Variants in ZNF804A observed in about 807,000 individuals in gnomAD.
ZNF804A encodes the protein zinc finger protein 804A.
ZNF804A carries 2 observed loss-of-function variants against 16.5 expected under a neutral mutation model. The observed-to-expected ratio is 0.12, with a 90% CI of 0.05 to 0.38. ZNF804A has a LOEUF of 0.38. ZNF804A is among the 10% of genes least tolerant of loss of function. The pLI is 0.99. For missense variants in ZNF804A, 1,473 were observed against 1,390.7 expected, an observed-to-expected ratio of 1.06 and a Z score of -0.94; for synonymous variants, 534 against 489.6, an observed-to-expected ratio of 1.09 and a Z score of -1.20.
intron 1 of ZNF804A, among the ~76,000 whole-genome samples, chr2:184,830,110 C>CCA (rs151005970): frequency 0.016 from 2,317 of 141,562 alleles, 55 homozygotes; most frequent in East Asian, 0.11. Context: ...ACACACCCAC[C>CCA]CACACACACA....
intron 1 of ZNF804A, among the ~76,000 whole-genome samples, chr2:184,634,958 A>AT (rs869227575): frequency 6.7e-6 from 1 of 149,078 alleles, no homozygotes; most frequent in Admixed American, 6.7e-5. Context: ...CTAATTTTGT[A>AT]TTTTTTTAAA....
At chr2:184,765,172 G>C (rs1395457783) in intron 1 of ZNF804A, among the ~76,000 whole-genome samples, 1 of 152,128 alleles carries the variant, frequency 6.6e-6, no homozygotes, top group Non-Finnish European at 1.5e-5. Flanking sequence ...GTTTTGTAGA[G>C]AGCCATGTAA....
chr2:184,908,531 A>T (rs1039467795), intron 2 of ZNF804A, among the ~76,000 whole-genome samples: 1 of 152,138 alleles, frequency 6.6e-6, no homozygotes, highest in African/African-American at 2.4e-5. Flanking sequence ...GGAAATGAAC[A>T]TTTAAGGGGA....
At chr2:184,915,862 A>T (rs1406911127) in intron 2 of ZNF804A, among the ~76,000 whole-genome samples, 1 of 152,178 alleles carries the variant, frequency 6.6e-6, no homozygotes, top group Non-Finnish European at 1.5e-5. Flanking sequence ...AGTAATGGGA[A>T]AGGAAATTTT....
At chr2:184,842,234 T>A (rs1430298337) in intron 1 of ZNF804A, among the ~76,000 whole-genome samples, 1 of 152,152 alleles carries the variant, frequency 6.6e-6, no homozygotes, top group African/African-American at 2.4e-5. Flanking sequence ...CACTCCCATT[T>A]GGAGTTCAAG....
chr2:184,851,919 A>ATT (rs1196798113), intron 1 of ZNF804A, among the ~76,000 whole-genome samples: 2 of 151,684 alleles, frequency 1.3e-5, no homozygotes, highest in Non-Finnish European at 3.0e-5. Flanking sequence ...TTTACTTTGC[A>ATT]TTTCTCTGAT....
chr2:184,898,747 T>C (rs1442339291), intron 2 of ZNF804A, among the ~76,000 whole-genome samples: 1 of 152,022 alleles, frequency 6.6e-6, no homozygotes, highest in Non-Finnish European at 1.5e-5. Flanking sequence ...ATTAATTGTA[T>C]TGTTTTCTCA....
intron 2 of ZNF804A, among the ~76,000 whole-genome samples, chr2:184,873,049 G>A (rs1695998776): frequency 6.6e-6 from 1 of 152,132 alleles, no homozygotes; most frequent in Non-Finnish European, 1.5e-5. Flanking sequence ...TTTTAAAAAA[G>A]AGATTGATCT....
chr2:184,889,255 C>A (rs1050238312), intron 2 of ZNF804A, among the ~76,000 whole-genome samples: 1 of 151,038 alleles, frequency 6.6e-6, no homozygotes, highest in East Asian at 1.9e-4. Context: ...ATTTTTTAAC[C>A]TTGTTTTAAG....
Position 184,626,128 on chromosome 2 carries a change from A to G in ZNF804A, c.111+27058A>G, listed in dbSNP as rs535140756. ...CGTGATCCACACACCTCGGCCTCCCAAAGTGCTGGGATTACAGGCATGAGC... is the reference window on the plus strand; with the variant it reads ...CGTGATCCACACACCTCGGCCTCCCGAAGTGCTGGGATTACAGGCATGAGC... On this transcript the variant is annotated intron_variant, in intron 1 of 3. Coordinates refer to ENST00000302277, the MANE Select transcript of ZNF804A (RefSeq NM_194250.2). 1.9e-3 allele frequency among the ~76,000 whole-genome samples: 294 copies of G among 152,264 alleles called. 1 individual carries two copies. The highest frequency in any genetic ancestry group is 3.4e-3 in the Non-Finnish European group (229 of 68,016).
At chr2:184,743,149 C>A (rs1693734036) in intron 1 of ZNF804A, among the ~76,000 whole-genome samples, 1 of 151,994 alleles carries the variant, frequency 6.6e-6, no homozygotes, top group African/African-American at 2.4e-5. Context: ...ATATCTGTCT[C>A]TTTCCCCTTT....
At chr2:184,684,927 A>G (rs941625582) in intron 1 of ZNF804A, among the ~76,000 whole-genome samples, 2 of 152,088 alleles carry the variant, frequency 1.3e-5, no homozygotes, top group Non-Finnish European at 2.9e-5. Flanking sequence ...CATGGTGTAT[A>G]TAGGTCATGG....
At chr2:184,644,307 A>T (rs911314664) in intron 1 of ZNF804A, among the ~76,000 whole-genome samples, 3 of 151,710 alleles carry the variant, frequency 2.0e-5, no homozygotes, top group African/African-American at 7.2e-5. Flanking sequence ...AACTGAATAG[A>T]TTTTGAAAAT....
intron 1 of ZNF804A, among the ~76,000 whole-genome samples, chr2:184,755,294 G>A (rs1693942299): frequency 6.6e-6 from 1 of 151,858 alleles, no homozygotes; most frequent in Non-Finnish European, 1.5e-5. Context: ...TCCTTTGGAC[G>A]TAGAGTCAGT....
At chr2:184,846,348 G>A (rs1362888676) in intron 1 of ZNF804A, among the ~76,000 whole-genome samples, 1 of 152,060 alleles carries the variant, frequency 6.6e-6, no homozygotes, top group Non-Finnish European at 1.5e-5. Flanking sequence ...ATCATTATAT[G>A]CCTTTTTTCT....
rs1448428475 is a variant in ZNF804A at position 184,938,570 on chromosome 2, A to G, written c.3174A>G (p.Pro1058=). The stretch of plus-strand genomic sequence containing the variant: ...AGGTCTACCAGCACATTCTGCAGCC[A>G]AACATGCTGGCCAACAAGGTTAAAT... ...PCEVYQHILQ[P]NMLANKVKFT... is the part of the protein sequence containing the mutation. The change falls in exon 4 of 4, where the codon CCA becomes CCG. Residue 1058 remains proline (P), a synonymous_variant. Coordinates refer to ENST00000302277, the MANE Select transcript of ZNF804A (RefSeq NM_194250.2). The G allele has an allele frequency of 6.2e-7, 1 of 1,614,104 alleles. No homozygotes were observed. The highest frequency in any genetic ancestry group is 2.2e-5 in the East Asian group (1 of 44,858).
chr2:184,651,670 G>A (rs1159114317), intron 1 of ZNF804A, among the ~76,000 whole-genome samples: 1 of 151,924 alleles, frequency 6.6e-6, no homozygotes, highest in African/African-American at 2.4e-5. Flanking sequence ...ATATACAAGT[G>A]GCCAACAAAC....
In ZNF804A at chr2:184,936,292, T is replaced by A. The variant is rs545888777; in HGVS notation, c.896T>A (p.Val299Asp). ...GTTCAAACTCAAGAGATAAAAGAAGTCTCTAGTGAAAAAGATGCATTATTA... is the reference window on the plus strand; with the variant it reads ...GTTCAAACTCAAGAGATAAAAGAAGACTCTAGTGAAAAAGATGCATTATTA... ...ETVQTQEIKEVSSEKDALLLP... is the reference protein window; with the variant it reads ...ETVQTQEIKEDSSEKDALLLP... Residue 299 changes from valine to aspartate, a missense_variant, in exon 4 of 4, where the codon GTC becomes GAC. Transcript: ENST00000302277. 2 of 1,613,832 alleles carry A rather than the reference T, an allele frequency of 1.2e-6. No individual in the cohort carries two copies. Among genetic ancestry groups the A allele is most frequent in the South Asian group, 2.2e-5 (2 of 91,074 alleles).
intron 1 of ZNF804A, among the ~76,000 whole-genome samples, chr2:184,737,353 G>A (rs1286397511): frequency 2.0e-5 from 3 of 152,000 alleles, no homozygotes; most frequent in Admixed American, 6.6e-5. Flanking sequence ...GAGCCACTGC[G>A]ACCGGCTTTA....
Sources: allele counts gnomAD v4.1 joint callset (sites outside exome capture counted in the v4.1 genomes callset), GRCh38; gene constraint gnomAD v4.1.1; transcripts MANE v1.5; gene names NCBI Gene and HGNC (gene_info 2026-07-23, HGNC 2026-07-21).